Variants in EEF1AKMT2 observed in about 807,000 individuals in gnomAD.
EEF1AKMT2 encodes the protein eukaryotic translation elongation factor 1 alpha lysine methyltransferase 2.
In EEF1AKMT2, 32 loss-of-function variants were observed where a neutral mutation model predicts 35.8. The observed-to-expected ratio is 0.89, with a 90% CI of 0.67 to 1.20. The LOEUF (loss-of-function observed/expected upper bound fraction) is 1.20. EEF1AKMT2 is among the 50% of genes most tolerant of loss of function. The pLI is 0.00. For synonymous variants in EEF1AKMT2, 121 were observed against 133.7 expected, an observed-to-expected ratio of 0.91 and a Z score of 0.65; for missense variants, 330 against 347.5, an observed-to-expected ratio of 0.95 and a Z score of 0.40.
chr10:124,786,570 G>A (rs565311612), intron 3 of EEF1AKMT2, among the ~76,000 whole-genome samples: 13 of 151,488 alleles, frequency 8.6e-5, no homozygotes, highest in African/African-American at 3.1e-4. Flanking sequence ...AGCACTCCGG[G>A]AGGCTGAGGC....
chr10:124,768,398 C>T (rs371579079), intron 4 of EEF1AKMT2, among the ~76,000 whole-genome samples: 2 of 152,112 alleles, frequency 1.3e-5, no homozygotes, highest in African/African-American at 4.8e-5. Flanking sequence ...CTCTTGAGGT[C>T]AGGAGTTTGA....
intron 5 of EEF1AKMT2, among the ~76,000 whole-genome samples, chr10:124,764,777 T>C (rs558333831): frequency 3.9e-5 from 6 of 152,364 alleles, no homozygotes; most frequent in South Asian, 2.1e-4. Flanking sequence ...TGCATTATTA[T>C]GGATTTGCCA....
Position 124,759,206 on chromosome 10 carries a change from T to C in EEF1AKMT2, c.*1297A>G, listed in dbSNP as rs1950310027. 6.6e-6 allele frequency: 1 copy of C among 152,098 alleles called. No homozygotes were observed. Among genetic ancestry groups the C allele is most frequent in the African/African-American group, 2.4e-5 (1 of 41,458 alleles). The allele number at this position is 152,098 out of a possible 1,614,324, so 9.4% of individuals were successfully genotyped here. On this transcript the variant is annotated 3_prime_UTR_variant, in exon 7 of 7. Transcript: ENST00000368836. ...AATGGTATTAAGTATGAATATGACT[T>C]ATCTTTTCAAAAACATTAATAAACT...
intron 5 of EEF1AKMT2, among the ~76,000 whole-genome samples, chr10:124,763,560 A>G (rs977585646): frequency 2.0e-5 from 3 of 152,200 alleles, no homozygotes; most frequent in Non-Finnish European, 4.4e-5. Context: ...TCAATTGTAT[A>G]TAATTATTTA....
At chr10:124,761,358 A>C (rs1196372506) in intron 6 of EEF1AKMT2, among the ~76,000 whole-genome samples, 1 of 152,146 alleles carries the variant, frequency 6.6e-6, no homozygotes, top group African/African-American at 2.4e-5. Flanking sequence ...AAAAAAATGT[A>C]AATGTACTTA....
intron 3 of EEF1AKMT2, among the ~76,000 whole-genome samples, chr10:124,785,270 A>AAG (rs1950575046): frequency 4.2e-5 from 6 of 142,468 alleles, no homozygotes; most frequent in African/African-American, 1.5e-4. Flanking sequence ...AAAAAAAAAA[A>AAG]GAATGTAAAA....
chr10:124,784,841 G>A (rs1315233601), intron 3 of EEF1AKMT2, among the ~76,000 whole-genome samples: 1 of 149,762 alleles, frequency 6.7e-6, no homozygotes, highest in African/African-American at 2.5e-5. Flanking sequence ...TGAGGCAGGA[G>A]AATTCTTTGA....
At chr10:124,782,617 G>A (rs1292465394) in intron 3 of EEF1AKMT2, among the ~76,000 whole-genome samples, 2 of 133,718 alleles carry the variant, frequency 1.5e-5, no homozygotes, top group African/African-American at 2.8e-5. Flanking sequence ...TTCAAGACCA[G>A]CCTGGACAAC....
rs369374541 is a variant in EEF1AKMT2 at position 124,790,371 on chromosome 10, T to C, written c.111-33A>G. 3.4e-6 allele frequency: 5 copies of C among 1,466,742 alleles called. No individual in the cohort carries two copies. The South Asian group carries it at 4.5e-5, about 13-fold the overall frequency. 90.9% of individuals were successfully genotyped at this position (1,466,742 alleles called of 1,614,324 possible). A position where few individuals can be genotyped will look rare whatever the true frequency, so the allele number is the denominator to read the frequency against. ...AACAATGAAATGCAAAGCAAGACTC[T>C]TGAATTAAACTGTATTATGAATTAA... On this transcript the variant is annotated intron_variant, in intron 1 of 6. Transcript: ENST00000368836.
chr10:124,766,802 C>CA (rs1950381910), intron 4 of EEF1AKMT2, among the ~76,000 whole-genome samples: 1 of 152,290 alleles, frequency 6.6e-6, no homozygotes, highest in South Asian at 2.1e-4. Flanking sequence ...TAAAAATACT[C>CA]ATCTATTCAG....
At chr10:124,773,392 T>C (rs1142693) in intron 4 of EEF1AKMT2, among the ~76,000 whole-genome samples, 1 of 152,036 alleles carries the variant, frequency 6.6e-6, no homozygotes, top group Admixed American at 6.6e-5. Context: ...CCACCACACC[T>C]GGCTATTTTT....
intron 4 of EEF1AKMT2, chr10:124,765,918 T>C (rs1364094224): frequency 5.1e-6 from 1 of 195,330 alleles, no homozygotes; most frequent in Non-Finnish European, 1.0e-5. Flanking sequence ...GCCTAGTTTA[T>C]GAAAAACCTG....
chr10:124,786,458 A>C (rs1448426712), intron 3 of EEF1AKMT2, among the ~76,000 whole-genome samples: 3 of 151,134 alleles, frequency 2.0e-5, no homozygotes, highest in Admixed American at 1.3e-4. Context: ...GTGAGCCGAG[A>C]TCGCCCCACT....
chr10:124,772,420 C>CTTTTTTTTTTTTTT (rs59707540), intron 4 of EEF1AKMT2, among the ~76,000 whole-genome samples: 7 of 75,410 alleles, frequency 9.3e-5, no homozygotes, highest in Non-Finnish European at 1.2e-4. Context: ...TTTTCTTTTT[C>CTTTTTTTTTTTTTT]TTTTTTTTTT....
At chr10:124,772,425 T>TC (rs1043429729) in intron 4 of EEF1AKMT2, among the ~76,000 whole-genome samples, 2 of 107,682 alleles carry the variant, frequency 1.9e-5, no homozygotes, top group African/African-American at 6.1e-5. Context: ...TTTTTCTTTT[T>TC]TTTTTTTTTT....
chr10:124,783,137 C>CTTTTTTTTTT (rs34632746), intron 3 of EEF1AKMT2, among the ~76,000 whole-genome samples: 1 of 85,030 alleles, frequency 1.2e-5, no homozygotes, highest in Admixed American at 1.7e-4. Context: ...AGGGAAAAAC[C>CTTTTTTTTTT]TTTTTTTTTT....
rs1377711115 is a variant in EEF1AKMT2, at chr10:124,765,555, A to G, written c.453T>C (p.Ile151=). The part of the protein sequence containing the change: ...STQLSGFHIC[I]DKGTFDAISL... Reference sequence around the variant, plus strand: ...TTATGGCATCAAAAGTCCCTTTGTCAATACAAATATGAAATCCAGACAGCT... The same window carrying G: ...TTATGGCATCAAAAGTCCCTTTGTCGATACAAATATGAAATCCAGACAGCT... Residue 151 remains isoleucine (I), a synonymous_variant, in exon 5 of 7, where the codon ATT becomes ATC. Coordinates refer to ENST00000368836, the MANE Select transcript of EEF1AKMT2 (RefSeq NM_212554.4). 2 of 1,613,968 alleles carry G rather than the reference A, an allele frequency of 1.2e-6. No homozygotes were observed. Among genetic ancestry groups the G allele is most frequent in the Non-Finnish European group, 1.7e-6 (2 of 1,179,936 alleles).
intron 4 of EEF1AKMT2, 64 bp downstream of exon 4, chr10:124,774,611 T>A: frequency 1.2e-6 from 1 of 854,924 alleles, no homozygotes; most frequent in Non-Finnish European, 1.6e-6. Context: ...AACCTGTCAA[T>A]TAATATGCTC....
At position 124,762,453 on chromosome 10, in the gene EEF1AKMT2, T is replaced by C. The variant is rs1202923493; in HGVS notation, c.722A>G (p.His241Arg). ...ASRVGGTTGT[H>R]HHAWIIFVFL... ...TACAAAAATTATCCAGGCATGATGATGTGTGCCTGTAGTTCCACCTACTCG... is the reference window on the plus strand; with the variant it reads ...TACAAAAATTATCCAGGCATGATGACGTGTGCCTGTAGTTCCACCTACTCG... The change falls in exon 6 of 7, where the codon CAT (histidine) becomes CGT (arginine). Residue 241 changes from histidine to arginine, a missense_variant. His to Arg is a conservative substitution (Grantham distance 29). Coordinates refer to ENST00000368836, the MANE Select transcript of EEF1AKMT2 (RefSeq NM_212554.4). 7.7e-7 allele frequency: 1 copy of C among 1,301,428 alleles called. No individual in the cohort carries two copies. The highest frequency in any genetic ancestry group is 1.0e-6 in the Non-Finnish European group (1 of 986,456). The allele number at this position is 1,301,428 out of a possible 1,614,324, so 80.6% of individuals were successfully genotyped here. A position where few individuals can be genotyped will look rare whatever the true frequency, so the allele number is the denominator to read the frequency against.
Sources: gnomAD v4.1 joint callset for allele counts (sites outside exome capture counted in the v4.1 genomes callset) on GRCh38, gnomAD v4.1.1 for gene constraint, MANE v1.5 for transcripts, NCBI Gene and HGNC (gene_info 2026-07-23, HGNC 2026-07-21) for gene names.